Variants in SLC25A28 observed in about 807,000 individuals in gnomAD.
SLC25A28 encodes the protein mitoferrin-2.
A neutral mutation model predicts 31.9 loss-of-function variants in SLC25A28; 10 were observed. The ratio of observed to expected loss-of-function variants is 0.31; its 90% CI spans 0.19 to 0.53. SLC25A28 has a LOEUF of 0.53. Ranked by LOEUF, SLC25A28 falls within the 20% of genes least tolerant of loss-of-function variation. SLC25A28 has a pLI of 0.95. For synonymous variants in SLC25A28, 208 were observed against 203.6 expected (o/e 1.02, Z -0.19); for missense variants, 256 against 490.3 (o/e 0.52, Z 4.51).
chr10:99,631,063 C>T, the SLC25A28 span, among the ~76,000 whole-genome samples: 36 of 152,062 alleles, frequency 2.4e-4, no homozygotes, highest in Non-Finnish European at 4.9e-4. Context: ...GTCCTGTGGT[C>T]ACAGGACAAG....
upstream of SLC25A28, among the ~76,000 whole-genome samples, chr10:99,624,165 CTCCT>C (rs1279072144): frequency 7.2e-5 from 10 of 139,836 alleles, no homozygotes; most frequent in African/African-American, 1.1e-4. Context: ...TTCTTCCTTT[CTCCT>C]TCCTTCCTTT....
At chr10:99,640,590 A>T in the SLC25A28 span, among the ~76,000 whole-genome samples, 1 of 152,080 alleles carries the variant, frequency 6.6e-6, no homozygotes, top group Non-Finnish European at 1.5e-5. Flanking sequence ...TTATACTTTA[A>T]GTTCTAGGGT....
Position 99,610,617 on chromosome 10 carries a change from G to A in SLC25A28, c.*232C>T, listed in dbSNP as rs1565017445. 2 of 562,540 alleles carry A rather than the reference G, an allele frequency of 3.6e-6. No homozygotes were observed. Among genetic ancestry groups the A allele is most frequent in the Non-Finnish European group, 6.4e-6 (2 of 314,262 alleles). 34.8% of individuals were successfully genotyped at this position (562,540 alleles called of 1,614,324 possible). On this transcript the variant is annotated 3_prime_UTR_variant, in exon 4 of 4. Coordinates refer to ENST00000370495, the MANE Select transcript of SLC25A28 (RefSeq NM_031212.4). Reference sequence around the variant, plus strand: ...GGTCATCAGGCCCAGGATGGAGAGAGGTTATCAAAGGTGCTGTGGTGTGCT... The same window carrying A: ...GGTCATCAGGCCCAGGATGGAGAGAAGTTATCAAAGGTGCTGTGGTGTGCT...
At chr10:99,640,188 T>G in the SLC25A28 span, among the ~76,000 whole-genome samples, 1 of 152,330 alleles carries the variant, frequency 6.6e-6, no homozygotes, top group Non-Finnish European at 1.5e-5. Flanking sequence ...ACCACAAAAC[T>G]TAGTAGCTTA....
chr10:99,638,600 AC>A, the SLC25A28 span, among the ~76,000 whole-genome samples: 2 of 152,224 alleles, frequency 1.3e-5, no homozygotes, highest in Non-Finnish European at 2.9e-5. Flanking sequence ...TAAGAAAAAA[AC>A]AATCTTATCA....
Position 99,612,532 on chromosome 10 carries a change from G to A in SLC25A28, c.577+11C>T. On this transcript the variant is annotated intron_variant, in intron 3 of 3. Coordinates refer to ENST00000370495, the MANE Select transcript of SLC25A28 (RefSeq NM_031212.4). Reference sequence around the variant, plus strand: ...AGCTGCCCACAGAGTGATAGGTTGAGGAATCATTACCTTCCGCAGGGTTCA... The same window carrying A: ...AGCTGCCCACAGAGTGATAGGTTGAAGAATCATTACCTTCCGCAGGGTTCA... The A allele has an allele frequency of 1.2e-6, 2 of 1,614,008 alleles. No homozygotes were observed. Among genetic ancestry groups the A allele is most frequent in the Middle Eastern group, 1.6e-4 (1 of 6,062 alleles).
rs750353300 is a variant in SLC25A28 at position 99,613,652 on chromosome 10, A to G, written c.520+44T>C. 4 of 1,613,734 alleles carry G rather than the reference A, an allele frequency of 2.5e-6. No individual in the cohort carries two copies. Among genetic ancestry groups the G allele is most frequent in the African/African-American group, 1.3e-5 (1 of 74,932 alleles). On this transcript the variant is annotated intron_variant, in intron 2 of 3. Coordinates refer to ENST00000370495, the MANE Select transcript of SLC25A28 (RefSeq NM_031212.4). This position sits in a 1 kb window ranked among gnomAD's most constrained non-coding sequence, Gnocchi z 4.9. Reference sequence around the variant, plus strand: ...AAAGCACTGACAGCAGCAAAGCCCAAAGAGTTGGGAAAGTGGGGGAACCAG... The same window carrying G: ...AAAGCACTGACAGCAGCAAAGCCCAGAGAGTTGGGAAAGTGGGGGAACCAG...
intron 1 of SLC25A28, among the ~76,000 whole-genome samples, chr10:99,619,617 C>T (rs2034736601): frequency 1.3e-5 from 2 of 152,298 alleles, no homozygotes; most frequent in South Asian, 4.1e-4. Context: ...GAAGATACAG[C>T]AAGGAGTTTG....
the SLC25A28 span, among the ~76,000 whole-genome samples, chr10:99,654,145 G>T: frequency 6.6e-6 from 1 of 152,128 alleles, no homozygotes; most frequent in Non-Finnish European, 1.5e-5. Context: ...GGTTCTGGGT[G>T]ACAACATCTA....
chr10:99,629,193 A>G, the SLC25A28 span, among the ~76,000 whole-genome samples: 1 of 152,092 alleles, frequency 6.6e-6, no homozygotes, highest in Non-Finnish European at 1.5e-5. Context: ...TTCTCATTCT[A>G]TTAGTTTCAG....
Position 99,620,119 on chromosome 10 carries a change from T to C in SLC25A28, c.217A>G (p.Thr73Ala). 6.3e-7 allele frequency: 1 copy of C among 1,583,364 alleles called. No homozygotes were observed. The highest frequency in any genetic ancestry group is 8.5e-7 in the Non-Finnish European group (1 of 1,172,470). The change falls in exon 1 of 4, where the codon ACC (threonine) becomes GCC (alanine). Residue 73 changes from threonine to alanine, a missense_variant. Thr to Ala is a moderately conservative substitution (Grantham distance 58, BLOSUM62 0). This residue lies in a region of SLC25A28 where 41 missense variants were observed against 41.7 expected (regional missense o/e 0.98). Transcript: ENST00000370495. ...ACGGCGCCTGCCACCATGTGCGTGG[T>C]GACAGTGGCTCCAGCCGGCAGCGCC... ...YEALPAGATV[T>A]THMVAGAVAG...
chr10:99,639,968 A>G, the SLC25A28 span, among the ~76,000 whole-genome samples: 1 of 152,180 alleles, frequency 6.6e-6, no homozygotes, highest in Admixed American at 6.6e-5. Context: ...AGTACAAAAA[A>G]AGAAAAAAAC....
At chr10:99,644,423 A>T in the SLC25A28 span, among the ~76,000 whole-genome samples, 1 of 151,968 alleles carries the variant, frequency 6.6e-6, no homozygotes, top group Non-Finnish European at 1.5e-5. Context: ...TGCTTGATAG[A>T]TCTTCCTCCA....
chr10:99,643,015 G>C, the SLC25A28 span, among the ~76,000 whole-genome samples: 14 of 152,116 alleles, frequency 9.2e-5, no homozygotes, highest in African/African-American at 3.4e-4. Flanking sequence ...AGGGATATTA[G>C]TCTAAAATTC....
chr10:99,638,182 A>G, the SLC25A28 span, among the ~76,000 whole-genome samples: 1 of 152,206 alleles, frequency 6.6e-6, no homozygotes, highest in Non-Finnish European at 1.5e-5. Context: ...GCAAACAAAA[A>G]CATAAAGTGG....
At chr10:99,646,695 G>A in the SLC25A28 span, among the ~76,000 whole-genome samples, 3 of 152,344 alleles carry the variant, frequency 2.0e-5, no homozygotes, top group South Asian at 6.2e-4. Context: ...AACCTCCCCA[G>A]AAGAGACAAG....
At chr10:99,653,332 C>T in the SLC25A28 span, among the ~76,000 whole-genome samples, 173 of 152,280 alleles carry the variant, frequency 1.1e-3, 1 homozygote, top group African/African-American at 4.1e-3. Context: ...TGAAAAGAAA[C>T]TGGGGCCTCC....
chr10:99,630,442 C>G, the SLC25A28 span, among the ~76,000 whole-genome samples: 3 of 152,110 alleles, frequency 2.0e-5, no homozygotes, highest in Non-Finnish European at 4.4e-5. Context: ...CCCATGCAAA[C>G]TTTTTGACCC....
the SLC25A28 span, among the ~76,000 whole-genome samples, chr10:99,642,690 T>C: frequency 6.6e-6 from 1 of 152,210 alleles, no homozygotes; most frequent in African/African-American, 2.4e-5. Context: ...CAGTATGATA[T>C]TGGCTGTGGG....
Sources: allele counts gnomAD v4.1 joint callset (sites outside exome capture counted in the v4.1 genomes callset), GRCh38; gene constraint gnomAD v4.1.1; regional missense constraint gnomAD v4.1.1; non-coding constraint Gnocchi (gnomAD v3.1); transcripts MANE v1.5; gene names NCBI Gene and HGNC (gene_info 2026-07-23, HGNC 2026-07-21).